Variants in MCTP1 observed in about 807,000 individuals in gnomAD.
The protein encoded by MCTP1 is multiple C2 and transmembrane domain-containing protein 1.
A neutral mutation model predicts 120.6 loss-of-function variants in MCTP1; 69 were observed. That is an observed-to-expected ratio of 0.57 (90% CI 0.47 to 0.70). MCTP1 has a LOEUF of 0.70. MCTP1 is among the 30% of genes least tolerant of loss of function. The pLI is 0.00. For missense variants in MCTP1, 1,203 were observed against 1,248.8 expected (o/e 0.96, Z 0.55); for synonymous variants, 529 against 493.1 (o/e 1.07, Z -0.96).
At chr5:95,192,641 A>G (rs1232978396) in intron 1 of MCTP1, among the ~76,000 whole-genome samples, 1 of 152,094 alleles carries the variant, frequency 6.6e-6, no homozygotes, top group African/African-American at 2.4e-5. Context: ...AAATTGACAA[A>G]TACTTTTATA....
rs568267627 is a variant in MCTP1 at position 95,150,659 on chromosome 5, A to G, written c.721-133175T>C. ...ATACTACAAAGGTATCAGAATTAGT[A>G]TTATGTGGCATTCTTTCAAAGAAAG... On this transcript the variant is annotated intron_variant, in intron 1 of 22. Coordinates refer to ENST00000515393, the MANE Select transcript of MCTP1 (RefSeq NM_024717.7). Among the ~76,000 whole-genome samples, 6 of 152,346 alleles carry G rather than the reference A, an allele frequency of 3.9e-5. No individual in the cohort carries two copies. The South Asian group carries it at 8.3e-4, about 21-fold the overall frequency.
At chr5:95,157,982 C>T (rs1029187234) in intron 1 of MCTP1, among the ~76,000 whole-genome samples, 1 of 152,168 alleles carries the variant, frequency 6.6e-6, no homozygotes, top group African/African-American at 2.4e-5. Context: ...TGTTGTAGTT[C>T]ATTAAAAATC....
At chr5:94,825,168 G>A (rs1017068346) in intron 17 of MCTP1, among the ~76,000 whole-genome samples, 2 of 152,106 alleles carry the variant, frequency 1.3e-5, no homozygotes, top group Non-Finnish European at 2.9e-5. Flanking sequence ...TTTCTCCTGT[G>A]GGCATTTAGT....
At chr5:94,830,441 C>T (rs1788247028) in intron 17 of MCTP1, among the ~76,000 whole-genome samples, 1 of 152,156 alleles carries the variant, frequency 6.6e-6, no homozygotes. Flanking sequence ...CATTTCTTTT[C>T]TCATGGAATT....
chr5:94,992,123 T>C (rs944505437), intron 2 of MCTP1, among the ~76,000 whole-genome samples: 4 of 152,192 alleles, frequency 2.6e-5, no homozygotes, highest in Non-Finnish European at 5.9e-5. Context: ...GCCAGAGGAA[T>C]TCTTAAAAGA....
chr5:95,279,302 C>T (rs1205980025), intron 1 of MCTP1, among the ~76,000 whole-genome samples: 1 of 152,020 alleles, frequency 6.6e-6, no homozygotes, highest in East Asian at 1.9e-4. Flanking sequence ...TCTGCTAATC[C>T]CATTTTTTTC....
chr5:94,916,265 T>G (rs1810030136), intron 8 of MCTP1, among the ~76,000 whole-genome samples: 2 of 152,208 alleles, frequency 1.3e-5, no homozygotes, highest in South Asian at 4.1e-4. Context: ...GCAGAAAAGA[T>G]AAGCATGTAA....
intron 19 of MCTP1, among the ~76,000 whole-genome samples, chr5:94,732,897 A>C (rs897280012): frequency 1.3e-5 from 2 of 152,214 alleles, no homozygotes; most frequent in African/African-American, 4.8e-5. Context: ...CTGTTACAAC[A>C]GCCTGAACAG....
At chr5:94,768,413 TTAGAC>T (rs1773297389) in intron 19 of MCTP1, among the ~76,000 whole-genome samples, 1 of 152,112 alleles carries the variant, frequency 6.6e-6, no homozygotes, top group African/African-American at 2.4e-5. Flanking sequence ...CAGGACTATA[TTAGAC>T]TAAACAGCTT....
intron 17 of MCTP1, among the ~76,000 whole-genome samples, chr5:94,826,854 C>CTG: frequency 8.3e-6 from 1 of 121,086 alleles, no homozygotes; most frequent in Non-Finnish European, 1.6e-5. Context: ...TATTTTGAGC[C>CTG]TGTGTGTGTC....
chr5:95,113,703 T>C (rs1218486644), intron 1 of MCTP1, among the ~76,000 whole-genome samples: 1 of 152,134 alleles, frequency 6.6e-6, no homozygotes, highest in Non-Finnish European at 1.5e-5. Flanking sequence ...TTGAAAGGCA[T>C]TGTAGGCCAC....
At chr5:94,986,566 GTGGCA>G (rs1830456933) in intron 2 of MCTP1, among the ~76,000 whole-genome samples, 1 of 152,170 alleles carries the variant, frequency 6.6e-6, no homozygotes, top group South Asian at 2.1e-4. Context: ...CTGGAGTGCA[GTGGCA>G]CAATCTTGGC....
At chr5:95,163,510 A>G (rs1315447076) in intron 1 of MCTP1, among the ~76,000 whole-genome samples, 1 of 152,222 alleles carries the variant, frequency 6.6e-6, no homozygotes, top group Non-Finnish European at 1.5e-5. Context: ...AATGCATATT[A>G]GCCTGTAAGG....
chr5:94,889,451 G>A lies in MCTP1; in HGVS notation c.1840-479C>T, dbSNP rs574173699. On this transcript the variant is annotated intron_variant, in intron 11 of 22. Transcript: ENST00000515393. ...AAAATACAAAAAAAATTAGCCAGGC[G>A]TGGTGGCGGGCACCTGTAATCCCAG... Among the ~76,000 whole-genome samples, 108 of 152,016 alleles carry A rather than the reference G, an allele frequency of 7.1e-4. 1 individual carries two copies. Among genetic ancestry groups the A allele is most frequent in the African/African-American group, 2.4e-3 (99 of 41,434 alleles).
At chr5:94,712,414 G>C (rs1757378574) in intron 20 of MCTP1, among the ~76,000 whole-genome samples, 1 of 90,748 alleles carries the variant, frequency 1.1e-5, no homozygotes, top group East Asian at 3.3e-4. Flanking sequence ...ACTTACTTGA[G>C]GTGAGTTTTT....
At chr5:95,056,284 A>C (rs1747370745) in intron 1 of MCTP1, among the ~76,000 whole-genome samples, 1 of 152,200 alleles carries the variant, frequency 6.6e-6, no homozygotes, top group Admixed American at 6.5e-5. Context: ...CAATTCTCCC[A>C]TTGTAGGCAT....
At chr5:94,912,003 G>C (rs1280276202) in intron 9 of MCTP1, among the ~76,000 whole-genome samples, 1 of 152,076 alleles carries the variant, frequency 6.6e-6, no homozygotes, top group Non-Finnish European at 1.5e-5. Context: ...GGAAAACTAA[G>C]ATATGGAGAG....
intron 1 of MCTP1, among the ~76,000 whole-genome samples, chr5:95,034,597 G>A (rs1840912745): frequency 6.6e-6 from 1 of 151,900 alleles, no homozygotes; most frequent in Non-Finnish European, 1.5e-5. Context: ...AGACTTAAAT[G>A]GAAAACCTCA....
At chr5:95,128,079 C>T (rs1361708595) in intron 1 of MCTP1, among the ~76,000 whole-genome samples, 2 of 152,152 alleles carry the variant, frequency 1.3e-5, no homozygotes, top group Non-Finnish European at 2.9e-5. Flanking sequence ...CACTCTGGCT[C>T]CTATGAAGGG....
Sources: gnomAD v4.1 joint callset for allele counts (sites outside exome capture counted in the v4.1 genomes callset) on GRCh38, gnomAD v4.1.1 for gene constraint, MANE v1.5 for transcripts, NCBI Gene and HGNC (gene_info 2026-07-23, HGNC 2026-07-21) for gene names.